GAPVD1: variants seen among roughly 807,000 people sequenced by gnomAD.
GAPVD1 encodes GTPase-activating protein and VPS9 domain-containing protein 1.
A neutral mutation model predicts 155.5 loss-of-function variants in GAPVD1; 35 were observed. The ratio of observed to expected loss-of-function variants is 0.23; its 90% CI spans 0.17 to 0.30. The LOEUF (loss-of-function observed/expected upper bound fraction) is 0.30, where lower values mean the gene tolerates loss of function less well. GAPVD1 is among the 10% of genes least tolerant of loss of function. The pLI, the probability that GAPVD1 is intolerant of heterozygous loss-of-function variation, is 1.00. For synonymous variants in GAPVD1, 636 were observed against 619.7 expected, an observed-to-expected ratio of 1.03 and a Z score of -0.39; for missense variants, 1,429 against 1,775.7, an observed-to-expected ratio of 0.80 and a Z score of 3.51.
chr9:125,303,698 C>A (rs1452976955), intron 5 of GAPVD1, among the ~76,000 whole-genome samples: 1 of 151,368 alleles, frequency 6.6e-6, no homozygotes. Context: ...ATTGCTTGAA[C>A]CCGGGAGACA....
intron 27 of GAPVD1, among the ~76,000 whole-genome samples, chr9:125,360,950 C>T (rs751510369): frequency 2.6e-5 from 4 of 152,204 alleles, no homozygotes; most frequent in Non-Finnish European, 4.4e-5. Flanking sequence ...CAACCTCCAT[C>T]TCCTGGGTTC....
intron 9 of GAPVD1, among the ~76,000 whole-genome samples, chr9:125,314,440 G>A (rs1442949728): frequency 3.9e-5 from 6 of 152,214 alleles, no homozygotes; most frequent in African/African-American, 1.4e-4. Context: ...TGGATCCCCC[G>A]AGGTCAGGAG....
rs771517562 is a variant in GAPVD1 at position 125,323,882 on chromosome 9, G to A, written c.1817G>A (p.Ser606Asn). ...VSELGAGPSG[S>N]NGVEALQLLE... is the part of the protein sequence containing the mutation. ...GAACTTGGAGCAGGACCTTCTGGCAGTAATGGAGTTGAAGCTCTACAGCTG... is the reference window on the plus strand; with the variant it reads ...GAACTTGGAGCAGGACCTTCTGGCAATAATGGAGTTGAAGCTCTACAGCTG... The change falls in exon 11 of 28, where the codon AGT becomes AAT. Residue 606 changes from serine to asparagine, a missense_variant. By Grantham distance (46) the Ser-to-Asn change is conservative. Around this residue, in one of 4 missense-constraint regions of GAPVD1, gnomAD observed 628 missense variants for 733.4 expected, o/e 0.86. Coordinates refer to ENST00000297933, the MANE Select transcript of GAPVD1 (RefSeq NM_001282680.3). The A allele has an allele frequency of 1.9e-6, 3 of 1,613,620 alleles. No individual in the cohort carries two copies. The Admixed American group carries it at 5.0e-5, about 27-fold the overall frequency.
chr9:125,345,207 A>G lies in GAPVD1; in HGVS notation c.3047-1612A>G, dbSNP rs1438049742. ...TTTTTTTTTTTTCTTTTGAGACAGT[A>G]TCTTGCCCTGCTGCCCAGGATGGAG... is the stretch of plus-strand genomic sequence containing the variant. On this transcript the variant is annotated intron_variant, in intron 19 of 27. Transcript: ENST00000297933. Among the ~76,000 whole-genome samples, 4 of 142,192 alleles carry G rather than the reference A, an allele frequency of 2.8e-5. No individual in the cohort carries two copies. The East Asian group carries it at 6.1e-4, about 22-fold the overall frequency. The allele number at this position is 142,192 out of a possible 152,430, so 93.3% of individuals were successfully genotyped here.
intron 7 of GAPVD1, 46 bp from the exon 8 acceptor site, chr9:125,307,645 A>G: frequency 6.3e-7 from 1 of 1,581,568 alleles, no homozygotes; most frequent in Non-Finnish European, 8.7e-7. Context: ...TACATATTGT[A>G]TTTGAAAAAG....
chr9:125,297,458 TACAC>T (rs1396555128), intron 3 of GAPVD1, among the ~76,000 whole-genome samples: 1 of 152,200 alleles, frequency 6.6e-6, no homozygotes, highest in Non-Finnish European at 1.5e-5. Flanking sequence ...CCTTTCTAAA[TACAC>T]GTTTGAGTGG....
intron 2 of GAPVD1, among the ~76,000 whole-genome samples, chr9:125,290,830 C>T (rs1468306185): frequency 2.0e-5 from 3 of 151,672 alleles, no homozygotes; most frequent in African/African-American, 7.3e-5. Flanking sequence ...GACCCCATCT[C>T]TACAAAATAA....
chr9:125,266,375 G>A (rs1447707649), intron 1 of GAPVD1, among the ~76,000 whole-genome samples: 1 of 151,588 alleles, frequency 6.6e-6, no homozygotes, highest in Non-Finnish European at 1.5e-5. Context: ...GTGCAGTGGC[G>A]TGATCTTGGC....
chr9:125,351,245 G>T (rs1210442490), intron 23 of GAPVD1, among the ~76,000 whole-genome samples: 1 of 152,140 alleles, frequency 6.6e-6, no homozygotes, highest in Non-Finnish European at 1.5e-5. Flanking sequence ...AACAGCACAG[G>T]AAAGACCTGT....
At chr9:125,292,486 G>T (rs566744488) in intron 2 of GAPVD1, among the ~76,000 whole-genome samples, 73 of 151,798 alleles carry the variant, frequency 4.8e-4, no homozygotes, top group African/African-American at 1.7e-3. Context: ...TCTGCCTCTC[G>T]GGTTCAAGTG....
chr9:125,332,656 A>G (rs1846256418), intron 15 of GAPVD1, 27 bp downstream of exon 15: 2 of 1,595,176 alleles, frequency 1.3e-6, no homozygotes, highest in African/African-American at 2.7e-5. Context: ...AGGATGACTT[A>G]AAAAATGACC....
At chr9:125,345,169 TTC>T (rs748410993) in intron 19 of GAPVD1, among the ~76,000 whole-genome samples, 7 of 151,908 alleles carry the variant, frequency 4.6e-5, no homozygotes, top group Middle Eastern at 3.4e-3. Context: ...TCTTTTTCTT[TTC>T]TCTCTCTCTT....
rs1298743408 is a variant in GAPVD1 at position 125,359,187 on chromosome 9, C to T, written c.3972-233C>T. Among the ~76,000 whole-genome samples the T allele has an allele frequency of 2.6e-5, 4 of 152,246 alleles. No homozygotes were observed. In the East Asian group the frequency reaches 7.7e-4, roughly 29 times the overall value. The stretch of plus-strand genomic sequence containing the variant: ...TTTCTTCCTTGCAGTGCTGTCTGGT[C>T]CAGAGAGGAAAGACTCCCTCCCCTC... On this transcript the variant is annotated intron_variant, in intron 25 of 27. Coordinates refer to ENST00000297933, the MANE Select transcript of GAPVD1 (RefSeq NM_001282680.3).
rs762177133 is a variant in GAPVD1, at chr9:125,350,415, G to T, written c.3409+11G>T. On this transcript the variant is annotated intron_variant, in intron 22 of 27. Transcript: ENST00000297933. ...ACACAGACCCAGAAGGTAAATTGCTGCAGGATCGTTTAATTTTTCCTATGT... is the reference window on the plus strand; with the variant it reads ...ACACAGACCCAGAAGGTAAATTGCTTCAGGATCGTTTAATTTTTCCTATGT... 6.6e-7 allele frequency: 1 copy of T among 1,525,640 alleles called. No homozygotes were observed. Among genetic ancestry groups the T allele is most frequent in the Admixed American group, 1.7e-5 (1 of 59,628 alleles). 94.5% of individuals were successfully genotyped at this position (1,525,640 alleles called of 1,614,324 possible).
intron 9 of GAPVD1, among the ~76,000 whole-genome samples, chr9:125,319,341 T>A (rs918923825): frequency 3.3e-5 from 5 of 149,284 alleles, no homozygotes; most frequent in Admixed American, 1.3e-4. Context: ...ACCACTGCAC[T>A]CCAGCCTGGG....
intron 6 of GAPVD1, among the ~76,000 whole-genome samples, chr9:125,306,938 T>C (rs561672669): frequency 6.6e-6 from 1 of 152,302 alleles, no homozygotes; most frequent in South Asian, 2.1e-4. Flanking sequence ...GAGACCAGTC[T>C]GGGCAACATG....
At chr9:125,355,940 T>C (rs1783885682) in intron 25 of GAPVD1, 83 bp downstream of exon 25, 1 of 755,734 alleles carries the variant, frequency 1.3e-6, no homozygotes, top group African/African-American at 1.7e-5. Context: ...GCTATACGTG[T>C]AACTTAGTGT....
At chr9:125,354,158 G>A (rs1372774895) in intron 23 of GAPVD1, among the ~76,000 whole-genome samples, 4 of 152,120 alleles carry the variant, frequency 2.6e-5, no homozygotes, top group African/African-American at 9.7e-5. Context: ...AGATGCTTAG[G>A]TAGTGAGGAG....
intron 1 of GAPVD1, among the ~76,000 whole-genome samples, chr9:125,268,190 AACAAC>A (rs920145870): frequency 1.6e-5 from 2 of 128,176 alleles, no homozygotes; most frequent in African/African-American, 5.9e-5. Context: ...CAAACAAACA[AACAAC>A]CCCCCCCCCC....
Sources: allele counts gnomAD v4.1 joint callset (sites outside exome capture counted in the v4.1 genomes callset), GRCh38; gene constraint gnomAD v4.1.1; regional missense constraint gnomAD v4.1.1; transcripts MANE v1.5; gene names NCBI Gene and HGNC (gene_info 2026-07-23, HGNC 2026-07-21).